GRIN3A: variants seen among roughly 807,000 people sequenced by gnomAD.
GRIN3A encodes glutamate receptor ionotropic, NMDA 3A.
In GRIN3A, 47 loss-of-function variants were observed where a neutral mutation model predicts 92.4. The observed-to-expected ratio is 0.51, with a 90% confidence interval of 0.40 to 0.65. GRIN3A has a LOEUF of 0.65. Among genes scored for constraint, GRIN3A ranks in the 30% least tolerant of loss-of-function variants. GRIN3A has a pLI of 0.00. For missense variants in GRIN3A, 1,324 were observed against 1,393.1 expected, an observed-to-expected ratio of 0.95 and a Z score of 0.79; for synonymous variants, 527 against 540.6, an observed-to-expected ratio of 0.97 and a Z score of 0.35.
chr9:101,605,332 T>G (rs866525654), intron 6 of GRIN3A, among the ~76,000 whole-genome samples: 2 of 152,224 alleles, frequency 1.3e-5, no homozygotes, highest in Non-Finnish European at 2.9e-5. Flanking sequence ...CTCTATTCTT[T>G]ATACCAAGCC....
chr9:101,727,962 A>G (rs954035864), intron 1 of GRIN3A, among the ~76,000 whole-genome samples: 4 of 151,568 alleles, frequency 2.6e-5, no homozygotes, highest in African/African-American at 7.3e-5. Context: ...AAAAGACTCA[A>G]ATTAACTCCT....
rs1402895923 is a variant in GRIN3A at position 101,686,858 on chromosome 9, T to C, written c.1042A>G (p.Met348Val). ...IFEITTQFGV[M>V]PPELRWVLGD... Reference sequence around the variant, plus strand: ...AGCACCCAACGAAGTTCAGGGGGCATGACCCCAAACTGGGTTGTAATTTCG... The same window carrying C: ...AGCACCCAACGAAGTTCAGGGGGCACGACCCCAAACTGGGTTGTAATTTCG... The change falls in exon 2 of 9, where the codon ATG (methionine) becomes GTG (valine). Residue 348 changes from methionine (M) to valine (V), a missense_variant. Coordinates refer to ENST00000361820, the MANE Select transcript of GRIN3A (RefSeq NM_133445.3). 5.0e-6 allele frequency: 8 copies of C among 1,614,078 alleles called. No individual in the cohort carries two copies. Among genetic ancestry groups the C allele is most frequent in the African/African-American group, 1.3e-5 (1 of 74,928 alleles).
chr9:101,724,003 A>G (rs909562987), intron 1 of GRIN3A, among the ~76,000 whole-genome samples: 9 of 152,176 alleles, frequency 5.9e-5, no homozygotes, highest in Non-Finnish European at 1.2e-4. Flanking sequence ...TGAGCTAGAC[A>G]TAAAGGTTCT....
intron 2 of GRIN3A, among the ~76,000 whole-genome samples, chr9:101,683,596 A>C (rs1413277280): frequency 6.6e-6 from 1 of 152,162 alleles, no homozygotes; most frequent in Non-Finnish European, 1.5e-5. Flanking sequence ...TACTTTTCAA[A>C]CTTTCTCTTT....
intron 6 of GRIN3A, among the ~76,000 whole-genome samples, chr9:101,600,117 G>A (rs1188194477): frequency 6.6e-6 from 1 of 152,128 alleles, no homozygotes; most frequent in Non-Finnish European, 1.5e-5. Context: ...TCACTCATCT[G>A]TAAAACAAGG....
intron 1 of GRIN3A, among the ~76,000 whole-genome samples, chr9:101,701,903 C>T (rs10819978): frequency 0.49 from 74,607 of 151,924 alleles, 18,674 homozygotes; most frequent in Middle Eastern, 0.55. Context: ...AGATCTCCCA[C>T]CAGCTTACAG....
chr9:101,666,392 AG>A (rs1399498929), intron 3 of GRIN3A, among the ~76,000 whole-genome samples: 3 of 151,980 alleles, frequency 2.0e-5, no homozygotes, highest in African/African-American at 7.2e-5. Flanking sequence ...TAACACAGGA[AG>A]GGAAAACCAA....
At chr9:101,726,747 T>C (rs1830086127) in intron 1 of GRIN3A, among the ~76,000 whole-genome samples, 1 of 151,302 alleles carries the variant, frequency 6.6e-6, no homozygotes, top group Non-Finnish European at 1.5e-5. Flanking sequence ...AAATTTAAAT[T>C]TAAATTTTTA....
rs944116301 is a variant in GRIN3A at position 101,570,669 on chromosome 9, G to T, written c.*2505C>A. 3 of 152,614 alleles carry T rather than the reference G, an allele frequency of 2.0e-5. No homozygotes were observed. Among genetic ancestry groups the T allele is most frequent in the African/African-American group, 7.2e-5 (3 of 41,448 alleles). 9.5% of individuals were successfully genotyped at this position (152,614 alleles called of 1,614,324 possible). On this transcript the variant is annotated 3_prime_UTR_variant, in exon 9 of 9. Coordinates refer to ENST00000361820, the MANE Select transcript of GRIN3A (RefSeq NM_133445.3). ...GTTCCTCCAAAGATGTTTGAGGAGC[G>T]TGCATTGGTCATCTACTTTGTGGAT...
intron 3 of GRIN3A, among the ~76,000 whole-genome samples, chr9:101,649,479 G>A (rs1391947938): frequency 6.6e-6 from 1 of 152,004 alleles, no homozygotes; most frequent in Non-Finnish European, 1.5e-5. Context: ...TTTTCATGAA[G>A]ATTCCAGACT....
At position 101,737,721 on chromosome 9, in the gene GRIN3A, G is replaced by T. The variant is rs777403131; in HGVS notation, c.259C>A (p.Arg87=). 2 of 1,530,312 alleles carry T rather than the reference G, an allele frequency of 1.3e-6. No individual in the cohort carries two copies. The highest frequency in any genetic ancestry group is 1.7e-6 in the Non-Finnish European group (2 of 1,144,570). 94.8% of individuals were successfully genotyped at this position (1,530,312 alleles called of 1,614,324 possible). A position where few individuals can be genotyped will look rare whatever the true frequency, so the allele number is the denominator to read the frequency against. ...QRDEPEPGTR[R]SPAPSPGARW... ...GCGCCCGGCGAGGGCGCCGGGGACC[G>T]CCTAGTCCCTGGCTCCGGCTCATCC... Residue 87 remains arginine, a synonymous_variant, in exon 1 of 9, where the codon CGG becomes AGG. Coordinates refer to ENST00000361820, the MANE Select transcript of GRIN3A (RefSeq NM_133445.3).
At chr9:101,601,500 T>C (rs1588243509) in intron 6 of GRIN3A, among the ~76,000 whole-genome samples, 1 of 152,054 alleles carries the variant, frequency 6.6e-6, no homozygotes, top group Non-Finnish European at 1.5e-5. Context: ...GTGGAGTGTA[T>C]TAATTATTTT....
At chr9:101,645,161 A>G (rs1588264472) in intron 3 of GRIN3A, among the ~76,000 whole-genome samples, 1 of 151,736 alleles carries the variant, frequency 6.6e-6, no homozygotes, top group East Asian at 1.9e-4. Context: ...CCCTCCCCCC[A>G]TGCTTCCTAA....
chr9:101,670,749 C>T lies in GRIN3A; in HGVS notation c.1663G>A (p.Asp555Asn), dbSNP rs979003092. The change falls in exon 3 of 9, where the codon GAC becomes AAC. Residue 555 changes from aspartate (D) to asparagine (N), a missense_variant. Coordinates refer to ENST00000361820, the MANE Select transcript of GRIN3A (RefSeq NM_133445.3). ...CTATGGAGGCTGCTAAAAAGGCTGT[C>T]CAATGTGGAAGAGTCATTAGTCATG... is the stretch of plus-strand genomic sequence containing the variant. ...DPMTNDSSTL[D>N]SLFSSLHSSN... is the part of the protein sequence containing the mutation. 1.2e-6 allele frequency: 2 copies of T among 1,613,952 alleles called. No homozygotes were observed. The highest frequency in any genetic ancestry group is 1.3e-5 in the African/African-American group (1 of 74,912).
At chr9:101,584,065 C>T (rs1481885447) in intron 6 of GRIN3A, among the ~76,000 whole-genome samples, 1 of 152,170 alleles carries the variant, frequency 6.6e-6, no homozygotes, top group Non-Finnish European at 1.5e-5. Context: ...CCATATTAGC[C>T]AGGCTTGAAC....
chr9:101,628,451 GT>G, intron 3 of GRIN3A, 50 bp from the exon 4 acceptor site: 1 of 1,552,482 alleles, frequency 6.4e-7, no homozygotes, highest in East Asian at 2.3e-5. Context: ...TCTTAGAAGT[GT>G]TTTTTAACAT....
intron 3 of GRIN3A, among the ~76,000 whole-genome samples, chr9:101,648,066 T>C (rs1437028079): frequency 6.6e-6 from 1 of 151,866 alleles, no homozygotes; most frequent in African/African-American, 2.4e-5. Context: ...TTGAGGTGCA[T>C]TATTTGGAAA....
intron 1 of GRIN3A, among the ~76,000 whole-genome samples, chr9:101,734,553 T>C (rs1292136929): frequency 6.6e-6 from 1 of 152,000 alleles, no homozygotes; most frequent in Non-Finnish European, 1.5e-5. Flanking sequence ...GATGATCTTA[T>C]GTGATTATCT....
At position 101,660,037 on chromosome 9, in the gene GRIN3A, C is replaced by T. The variant is rs189268834; in HGVS notation, c.2352+10023G>A. Reference sequence around the variant, plus strand: ...AAGGGAAAGAATATACCATTCCCCCCACCCTGCCAATTTCCACTAATTGTC... The same window carrying T: ...AAGGGAAAGAATATACCATTCCCCCTACCCTGCCAATTTCCACTAATTGTC... On this transcript the variant is annotated intron_variant, in intron 3 of 8. Coordinates refer to ENST00000361820, the MANE Select transcript of GRIN3A (RefSeq NM_133445.3). Among the ~76,000 whole-genome samples, 14 of 151,888 alleles carry T rather than the reference C, an allele frequency of 9.2e-5. No homozygotes were observed. The South Asian group carries it at 2.7e-3, about 29-fold the overall frequency.
Sources: gnomAD v4.1 joint callset for allele counts (sites outside exome capture counted in the v4.1 genomes callset) on GRCh38, gnomAD v4.1.1 for gene constraint, MANE v1.5 for transcripts, NCBI Gene and HGNC (gene_info 2026-07-23, HGNC 2026-07-21) for gene names.